Variants in NCAPD3 observed in about 807,000 individuals in gnomAD.
NCAPD3 encodes the protein condensin-2 complex subunit D3.
A neutral mutation model predicts 182.9 loss-of-function variants in NCAPD3; 105 were observed. That is an observed-to-expected ratio of 0.57 (90% CI 0.49 to 0.68). The LOEUF is 0.68. NCAPD3 is among the 30% of genes least tolerant of loss of function. The pLI, the probability that NCAPD3 is intolerant of heterozygous loss-of-function variation, is 0.00. For synonymous variants in NCAPD3, 815 were observed against 679.9 expected (o/e 1.20, Z -3.09); for missense variants, 1,944 against 1,837.0 (o/e 1.06, Z -1.07).
At position 134,158,418 on chromosome 11, in the gene NCAPD3, G is replaced by A. The variant is rs1363287445; in HGVS notation, c.3945C>T (p.Pro1315=). The A allele has an allele frequency of 2.5e-6, 4 of 1,614,238 alleles. No individual in the cohort carries two copies. The highest frequency in any genetic ancestry group is 3.4e-6 in the Non-Finnish European group (4 of 1,180,052). Residue 1315 remains proline, a synonymous_variant, in exon 30 of 35, where the codon CCC becomes CCT. Coordinates refer to ENST00000534548, the MANE Select transcript of NCAPD3 (RefSeq NM_015261.3). ...GGCCAGCACTTGCCCTGGGTGTGCA[G>A]GGCTGGCTCACGGCAGGTGACATGG... ...NPAMSPAVSQ[P]CTPRASAGHV...
rs1361171624 is a variant in NCAPD3 at position 134,217,059 on chromosome 11, T to C, written c.259A>G (p.Ser87Gly). Reference protein sequence around the residue: ...TFFIENNVSHSTLVALFYHFV... With the variant: ...TFFIENNVSHGTLVALFYHFV... ...TGATAGAACAATGCCACCAGTGTAC[T>C]ATGGGAAACATTGTTCTCAATGAAG... Residue 87 changes from serine to glycine, a missense_variant, in exon 3 of 35, where the codon AGT becomes GGT. This residue lies in a region of NCAPD3 where 131 missense variants were observed against 133.9 expected (regional missense o/e 0.98). Transcript: ENST00000534548. 6.2e-7 allele frequency: 1 copy of C among 1,613,660 alleles called. No individual in the cohort carries two copies. The highest frequency in any genetic ancestry group is 1.7e-5 in the Admixed American group (1 of 59,936).
intron 8 of NCAPD3, among the ~76,000 whole-genome samples, chr11:134,205,450 G>A (rs3017559): frequency 6.0e-5 from 9 of 149,482 alleles, no homozygotes; most frequent in Non-Finnish European, 1.2e-4. Flanking sequence ...GTGTGATCTC[G>A]GCTCACTGCA....
chr11:134,163,963 A>G (rs1943676362), intron 27 of NCAPD3, among the ~76,000 whole-genome samples: 1 of 152,062 alleles, frequency 6.6e-6, no homozygotes, highest in Non-Finnish European at 1.5e-5. Context: ...CCAGAAACAG[A>G]AAGGGTGGTA....
chr11:134,199,757 T>C lies in NCAPD3; in HGVS notation c.1615+3059A>G, dbSNP rs78113739. Among the ~76,000 whole-genome samples the C allele has an allele frequency of 4.4e-3, 674 of 152,278 alleles. 6 individuals carry two copies. The highest frequency in any genetic ancestry group is 0.014 in the African/African-American group (577 of 41,540). On this transcript the variant is annotated intron_variant, in intron 13 of 34. Coordinates refer to ENST00000534548, the MANE Select transcript of NCAPD3 (RefSeq NM_015261.3). Reference sequence around the variant, plus strand: ...GCACTAGACATGTTAATAAACTTGTTTGTCTTGTTATGGGGATCCATCCCG... The same window carrying C: ...GCACTAGACATGTTAATAAACTTGTCTGTCTTGTTATGGGGATCCATCCCG...
At chr11:134,205,314 C>A (rs1029285852) in intron 8 of NCAPD3, among the ~76,000 whole-genome samples, 2 of 152,118 alleles carry the variant, frequency 1.3e-5, no homozygotes, top group South Asian at 2.1e-4. Context: ...CACAGTACCA[C>A]CTCATGGTAG....
At chr11:134,163,348 C>T (rs921311826) in intron 27 of NCAPD3, among the ~76,000 whole-genome samples, 2 of 152,162 alleles carry the variant, frequency 1.3e-5, no homozygotes, top group Non-Finnish European at 2.9e-5. Context: ...CCACCCCTCA[C>T]AGTCAACCTG....
chr11:134,212,731 T>C (rs1026860175), intron 3 of NCAPD3, among the ~76,000 whole-genome samples: 1 of 152,074 alleles, frequency 6.6e-6, no homozygotes, highest in Non-Finnish European at 1.5e-5. Flanking sequence ...TTACATCATA[T>C]ATAAATTGGG....
At chr11:134,207,652 G>A (rs1416090072) in intron 7 of NCAPD3, among the ~76,000 whole-genome samples, 2 of 148,952 alleles carry the variant, frequency 1.3e-5, no homozygotes, top group Non-Finnish European at 3.0e-5. Flanking sequence ...GCTGAGGCAG[G>A]AGAATCACTT....
chr11:134,161,394 C>G (rs1013124016), intron 28 of NCAPD3, among the ~76,000 whole-genome samples: 6 of 152,166 alleles, frequency 3.9e-5, no homozygotes, highest in Non-Finnish European at 7.3e-5. Context: ...CCTTGTGAAT[C>G]TGAGTCAGTG....
At chr11:134,213,849 AC>A (rs1444697660) in intron 3 of NCAPD3, among the ~76,000 whole-genome samples, 2 of 152,154 alleles carry the variant, frequency 1.3e-5, no homozygotes, top group Non-Finnish European at 1.5e-5. Context: ...ATAACATAAT[AC>A]TAAAAGGACC....
chr11:134,197,465 T>C (rs1389397879), intron 13 of NCAPD3, among the ~76,000 whole-genome samples: 1 of 151,994 alleles, frequency 6.6e-6, no homozygotes, highest in Non-Finnish European at 1.5e-5. Flanking sequence ...TTGGTAGAGA[T>C]GGGGTTTCAC....
At chr11:134,170,877 C>T (rs1435415531) in intron 24 of NCAPD3, among the ~76,000 whole-genome samples, 2 of 152,224 alleles carry the variant, frequency 1.3e-5, no homozygotes, top group Non-Finnish European at 2.9e-5. Flanking sequence ...CTCATCTTGG[C>T]TGCTGTATTC....
At chr11:134,162,610 C>A (rs617971) in intron 27 of NCAPD3, among the ~76,000 whole-genome samples, 27,402 of 152,198 alleles carry the variant, frequency 0.18, 2,537 homozygotes, top group East Asian at 0.27. Context: ...GTAAACTACT[C>A]ATTTCTAAAA....
intron 27 of NCAPD3, among the ~76,000 whole-genome samples, chr11:134,165,151 TTGTG>T (rs1943733735): frequency 2.0e-5 from 3 of 150,440 alleles, no homozygotes; most frequent in African/African-American, 7.4e-5. Context: ...GCACACTCAC[TTGTG>T]AGATGAGCTG....
Position 134,206,616 on chromosome 11 carries a change from C to G in NCAPD3, c.999G>C (p.Gln333His). The change falls in exon 8 of 35, where the codon CAG becomes CAC. Residue 333 changes from glutamine (Q) to histidine (H), a missense_variant. By Grantham distance (24) the Gln-to-His change is conservative. Around this residue, in one of 3 missense-constraint regions of NCAPD3, gnomAD observed 1,803 missense variants for 1,674.6 expected, o/e 1.08. Coordinates refer to ENST00000534548, the MANE Select transcript of NCAPD3 (RefSeq NM_015261.3). ...TGCTTCACCTGATAAACTGGACCGC[C>G]TGGTTTCTACAGTTGATGACTTGGG... is the stretch of plus-strand genomic sequence containing the variant. ...VTSQVINCRN[Q>H]AVQFISALVD... is the part of the protein sequence containing the mutation. The G allele has an allele frequency of 6.2e-7, 1 of 1,613,286 alleles. No homozygotes were observed. Among genetic ancestry groups the G allele is most frequent in the Non-Finnish European group, 8.5e-7 (1 of 1,179,744 alleles).
intron 32 of NCAPD3, among the ~76,000 whole-genome samples, chr11:134,154,952 A>G (rs1392672396): frequency 6.6e-6 from 1 of 152,192 alleles, no homozygotes; most frequent in Non-Finnish European, 1.5e-5. Context: ...GTGCTGTCAC[A>G]TGAAATTCCC....
At chr11:134,178,986 A>AC in intron 20 of NCAPD3, 50 bp from the exon 21 acceptor site, 3 of 1,240,904 alleles carry the variant, frequency 2.4e-6, no homozygotes, top group Middle Eastern at 1.9e-4. Context: ...AGAAAAGTGA[A>AC]CTCTAGCTAG....
intron 4 of NCAPD3, 150 bp from the exon 5 acceptor site, chr11:134,209,627 T>C (rs896164988): frequency 1.5e-6 from 1 of 664,332 alleles, no homozygotes. Context: ...ATGACTGTTC[T>C]AGGTCTCCTT....
At chr11:134,219,029 A>G (rs1938128896) in intron 2 of NCAPD3, among the ~76,000 whole-genome samples, 1 of 152,164 alleles carries the variant, frequency 6.6e-6, no homozygotes, top group Non-Finnish European at 1.5e-5. Context: ...TCTACCAAAC[A>G]TGTTCAAACT....
Sources: gnomAD v4.1 joint callset for allele counts (sites outside exome capture counted in the v4.1 genomes callset) on GRCh38, gnomAD v4.1.1 for gene constraint, gnomAD v4.1.1 regional missense constraint, MANE v1.5 for transcripts, NCBI Gene and HGNC (gene_info 2026-07-23, HGNC 2026-07-21) for gene names.